ANKIB1: variants seen among roughly 807,000 people sequenced by gnomAD.
The protein encoded by ANKIB1 is ankyrin repeat and IBR domain-containing protein 1.
Under a neutral mutation model 122.1 loss-of-function variants are expected in ANKIB1, and 43 were observed. The observed-to-expected ratio is 0.35, with a 90% CI of 0.28 to 0.45. The LOEUF is 0.45. ANKIB1 is among the 20% of genes least tolerant of loss of function. The pLI, the probability that ANKIB1 is intolerant of heterozygous loss-of-function variation, is 1.00. For missense variants in ANKIB1, 992 were observed against 1,329.5 expected (o/e 0.75, Z 3.95); for synonymous variants, 390 against 442.0 (o/e 0.88, Z 1.48).
At chr7:92,307,044 C>G (rs1046698935) in intron 2 of ANKIB1, among the ~76,000 whole-genome samples, 6 of 152,182 alleles carry the variant, frequency 3.9e-5, no homozygotes, top group African/African-American at 1.4e-4. Context: ...ACTGTGTTTT[C>G]TTTTCCTGTC....
At chr7:92,249,446 TGCTGTG>T (rs1228203040) in intron 1 of ANKIB1, among the ~76,000 whole-genome samples, 1 of 152,052 alleles carries the variant, frequency 6.6e-6, no homozygotes, top group Non-Finnish European at 1.5e-5. Flanking sequence ...AGCGGCCGGG[TGCTGTG>T]GCTCACGCCT....
chr7:92,324,598 CCTGG>C (rs1307796246), intron 4 of ANKIB1, among the ~76,000 whole-genome samples: 1 of 152,110 alleles, frequency 6.6e-6, no homozygotes, highest in Non-Finnish European at 1.5e-5. Context: ...CTACTTTGAC[CCTGG>C]TTGACTTCTG....
intron 1 of ANKIB1, among the ~76,000 whole-genome samples, chr7:92,255,480 G>C (rs145988524): frequency 1.3e-5 from 2 of 152,104 alleles, no homozygotes; most frequent in African/African-American, 4.8e-5. Context: ...TTGTCACCTC[G>C]TGGTCTTCAG....
intron 1 of ANKIB1, among the ~76,000 whole-genome samples, chr7:92,246,822 T>TC (rs1028852446): frequency 5.7e-4 from 86 of 151,868 alleles, no homozygotes; most frequent in Non-Finnish European, 1.1e-3. Flanking sequence ...CCTCGCAGCC[T>TC]CCCCCCCACC....
intron 11 of ANKIB1, among the ~76,000 whole-genome samples, chr7:92,379,234 C>CA (rs1167807102): frequency 3.3e-5 from 5 of 152,138 alleles, no homozygotes; most frequent in Non-Finnish European, 5.9e-5. Context: ...ACTAAAAATA[C>CA]AAAAAAATTT....
intron 1 of ANKIB1, among the ~76,000 whole-genome samples, chr7:92,247,591 C>T (rs1054651700): frequency 6.6e-6 from 1 of 152,108 alleles, no homozygotes; most frequent in African/African-American, 2.4e-5. Flanking sequence ...GGCGTTTTTT[C>T]TCATTAGAAT....
chr7:92,253,932 A>G (rs1801383770), intron 1 of ANKIB1, among the ~76,000 whole-genome samples: 4 of 152,070 alleles, frequency 2.6e-5, no homozygotes. Context: ...TGGCCTTGTG[A>G]CTTACTTTGA....
chr7:92,362,052 C>G, intron 9 of ANKIB1, 133 bp from the exon 10 acceptor site: 2 of 660,452 alleles, frequency 3.0e-6, no homozygotes, highest in Non-Finnish European at 5.1e-6. Context: ...CTCAGGTGAT[C>G]CACCCGCCTT....
Position 92,319,464 on chromosome 7 carries a change from C to T in ANKIB1, c.621C>T (p.Pro207=), listed in dbSNP as rs375124519. The T allele has an allele frequency of 1.6e-5, 25 of 1,612,542 alleles. No homozygotes were observed. Among genetic ancestry groups the T allele is most frequent in the Middle Eastern group, 1.6e-4 (1 of 6,078 alleles). The change falls in exon 4 of 20, where the codon CCC becomes CCT. Residue 207 remains proline, a synonymous_variant. Coordinates refer to ENST00000265742, the MANE Select transcript of ANKIB1 (RefSeq NM_019004.2). ...CTCAAATGGTATTCTCACGGGATCC[C>T]GAGGCTGAAGAAATAGAAGCTGAAT... ...LESQMVFSRD[P]EAEEIEAEYA...
At chr7:92,317,469 A>G (rs978692171) in intron 3 of ANKIB1, among the ~76,000 whole-genome samples, 7 of 152,232 alleles carry the variant, frequency 4.6e-5, no homozygotes, top group Non-Finnish European at 7.4e-5. Flanking sequence ...GGCTGCCAGA[A>G]TGACAACTTA....
chr7:92,309,085 G>C (rs996941501), intron 3 of ANKIB1, among the ~76,000 whole-genome samples: 1 of 151,936 alleles, frequency 6.6e-6, no homozygotes. Flanking sequence ...TCAATTCTTT[G>C]ATTTCTAATA....
chr7:92,367,475 A>G (rs1263839221), intron 10 of ANKIB1, among the ~76,000 whole-genome samples: 3 of 152,216 alleles, frequency 2.0e-5, no homozygotes, highest in Non-Finnish European at 2.9e-5. Flanking sequence ...AGCTTCATGT[A>G]TTTGGATCAT....
intron 7 of ANKIB1, among the ~76,000 whole-genome samples, chr7:92,348,840 G>A (rs1315691597): frequency 6.6e-6 from 1 of 152,168 alleles, no homozygotes; most frequent in Non-Finnish European, 1.5e-5. Flanking sequence ...AGAAGGAAAT[G>A]TTCACAGTGT....
intron 9 of ANKIB1, among the ~76,000 whole-genome samples, chr7:92,353,287 T>C (rs1185812481): frequency 6.6e-6 from 1 of 152,200 alleles, no homozygotes; most frequent in Non-Finnish European, 1.5e-5. Flanking sequence ...TGTGTTTTGC[T>C]TAGTTTCTAG....
chr7:92,377,270 GAGAC>G lies in ANKIB1; in HGVS notation c.1617+5671_1617+5674del, dbSNP rs963379072. Among the ~76,000 whole-genome samples the G allele has an allele frequency of 1.1e-4, 17 of 152,132 alleles. 1 individual carries two copies. The highest frequency in any genetic ancestry group is 3.6e-4 in the African/African-American group (15 of 41,474). ...GGAAATAGGGAAGCCCAAGGAGAGG[GAGAC>G]AGACAGAGACAGGAGAATGACTAGT... On this transcript the variant is annotated intron_variant, in intron 11 of 19. Transcript: ENST00000265742.
At position 92,396,454 on chromosome 7, in the gene ANKIB1, T is replaced by G; in HGVS notation, c.2373T>G (p.Asp791Glu). The change falls in exon 18 of 20, where the codon GAT (aspartate) becomes GAG (glutamate). Residue 791 changes from aspartate (D) to glutamate (E), a missense_variant. Physicochemically the swap from Asp to Glu is conservative, Grantham distance 45. This residue lies in a region of ANKIB1 where 384 missense variants were observed against 412.0 expected (regional missense o/e 0.93). Coordinates refer to ENST00000265742, the MANE Select transcript of ANKIB1 (RefSeq NM_019004.2). The part of the protein sequence containing the change: ...HSLLSNPPDP[D>E]EPSESTLDIP... ...TACTCAGTAATCCTCCAGACCCTGA[T>G]GAGCCAAGTGAAAGCACTTTAGGTA... is the stretch of plus-strand genomic sequence containing the variant. 4 of 1,584,286 alleles carry G rather than the reference T, an allele frequency of 2.5e-6. No individual in the cohort carries two copies. Among genetic ancestry groups the G allele is most frequent in the Non-Finnish European group, 3.4e-6 (4 of 1,162,534 alleles).
At chr7:92,300,380 A>G (rs1320336134) in intron 2 of ANKIB1, among the ~76,000 whole-genome samples, 2 of 152,110 alleles carry the variant, frequency 1.3e-5, no homozygotes, top group Non-Finnish European at 2.9e-5. Flanking sequence ...TTCTGGTTTG[A>G]AGGACAATGG....
rs1435728135 is a variant in ANKIB1 at position 92,343,121 on chromosome 7, G to A, written c.885G>A (p.Gly295=). The A allele has an allele frequency of 2.5e-6, 4 of 1,613,918 alleles. No individual in the cohort carries two copies. The African/African-American group carries it at 4.0e-5, about 16-fold the overall frequency. ...AAATGCCAACTCCACCACCAAGTGG[G>A]TATAATGCCTGGGACACGCTCCCAT... ...GVQMPTPPPS[G]YNAWDTLPSP... The change falls in exon 6 of 20, where the codon GGG becomes GGA. Residue 295 remains glycine, a synonymous_variant. Coordinates refer to ENST00000265742, the MANE Select transcript of ANKIB1 (RefSeq NM_019004.2).
chr7:92,399,155 C>T lies in ANKIB1; in HGVS notation c.*206C>T, dbSNP rs974568608. 2 of 435,732 alleles carry T rather than the reference C, an allele frequency of 4.6e-6. No homozygotes were observed. The highest frequency in any genetic ancestry group is 7.6e-6 in the Non-Finnish European group (2 of 264,686). The allele number at this position is 435,732 out of a possible 1,614,324, so 27.0% of individuals were successfully genotyped here. On this transcript the variant is annotated 3_prime_UTR_variant, in exon 20 of 20. Coordinates refer to ENST00000265742, the MANE Select transcript of ANKIB1 (RefSeq NM_019004.2). ...ATTTCCTTTGTACTTAATTGAATAG[C>T]TTTTCCCCTTTTTGCTGACAAAAAG...
Sources: gnomAD v4.1 joint callset for allele counts (sites outside exome capture counted in the v4.1 genomes callset) on GRCh38, gnomAD v4.1.1 for gene constraint, gnomAD v4.1.1 regional missense constraint, MANE v1.5 for transcripts, NCBI Gene and HGNC (gene_info 2026-07-23, HGNC 2026-07-21) for gene names.